The following PDGFD variants were observed in gnomAD, a reference collection of about 807,000 sequenced individuals.
The protein encoded by PDGFD is platelet-derived growth factor D.
A neutral mutation model predicts 44.7 loss-of-function variants in PDGFD; 30 were observed. The observed-to-expected ratio is 0.67, with a 90% CI of 0.50 to 0.91. PDGFD has a LOEUF of 0.91. Ranked by LOEUF, PDGFD falls within the 40% of genes least tolerant of loss-of-function variation. The pLI, the probability that PDGFD is intolerant of heterozygous loss-of-function variation, is 0.00. For missense variants in PDGFD, 445 were observed against 457.8 expected (o/e 0.97, Z 0.25); for synonymous variants, 173 against 168.4 (o/e 1.03, Z -0.21).
intron 6 of PDGFD, among the ~76,000 whole-genome samples, chr11:103,919,130 A>G (rs994758975): frequency 6.6e-6 from 1 of 152,202 alleles, no homozygotes; most frequent in Non-Finnish European, 1.5e-5. Context: ...AACCACACAA[A>G]GCCAGGGAAA....
At chr11:104,161,471 T>A (rs1215111386) in intron 1 of PDGFD, among the ~76,000 whole-genome samples, 2 of 152,196 alleles carry the variant, frequency 1.3e-5, no homozygotes, top group African/African-American at 4.8e-5. Flanking sequence ...CCAAGTGTTG[T>A]CTAGAATTTT....
chr11:104,005,849 A>G (rs1010557272), intron 1 of PDGFD, among the ~76,000 whole-genome samples: 2 of 152,200 alleles, frequency 1.3e-5, no homozygotes, highest in Admixed American at 6.5e-5. Context: ...CAAAAATAGG[A>G]AAACAATCAC....
At chr11:103,989,049 C>T (rs1859412050) in intron 3 of PDGFD, among the ~76,000 whole-genome samples, 1 of 151,914 alleles carries the variant, frequency 6.6e-6, no homozygotes, top group Non-Finnish European at 1.5e-5. Flanking sequence ...GTATATTTAA[C>T]ATATTATTAT....
Position 104,000,185 on chromosome 11 carries a change from C to T in PDGFD, c.195G>A (p.Gln65=). The change falls in exon 2 of 7, where the codon CAG becomes CAA. Residue 65 remains glutamine (Q), a synonymous_variant. Transcript: ENST00000393158. Reference sequence around the variant, plus strand: ...GGTAGCTGTTCGGGAATCTAGGACTCTGCACGTAGCCGTTTCCTTTCACCT... The same window carrying T: ...GGTAGCTGTTCGGGAATCTAGGACTTTGCACGTAGCCGTTTCCTTTCACCT... ...TIQVKGNGYV[Q]SPRFPNSYPR... 6.2e-7 allele frequency: 1 copy of T among 1,614,068 alleles called. No individual in the cohort carries two copies. Among genetic ancestry groups the T allele is most frequent in the Non-Finnish European group, 8.5e-7 (1 of 1,179,998 alleles).
At chr11:104,158,981 C>T (rs1205856648) in intron 1 of PDGFD, among the ~76,000 whole-genome samples, 1 of 151,318 alleles carries the variant, frequency 6.6e-6, no homozygotes, top group Non-Finnish European at 1.5e-5. Context: ...GGTGAAACCC[C>T]GTCTCCACTA....
At chr11:103,995,158 G>C (rs1194010347) in intron 3 of PDGFD, among the ~76,000 whole-genome samples, 1 of 152,082 alleles carries the variant, frequency 6.6e-6, no homozygotes, top group Non-Finnish European at 1.5e-5. Flanking sequence ...TGGGATTACA[G>C]GCATGAGCCA....
At chr11:104,144,573 A>G (rs571160589) in intron 1 of PDGFD, among the ~76,000 whole-genome samples, 34 of 151,900 alleles carry the variant, frequency 2.2e-4, no homozygotes, top group African/African-American at 7.7e-4. Context: ...AACTGAACAC[A>G]ACTTGGCAGA....
At chr11:104,001,460 G>A (rs1440908163) in intron 1 of PDGFD, among the ~76,000 whole-genome samples, 2 of 152,168 alleles carry the variant, frequency 1.3e-5, no homozygotes, top group Non-Finnish European at 2.9e-5. Flanking sequence ...AAACCTGGGG[G>A]TTTATAGGGA....
At chr11:103,945,867 A>T (rs773401764) in intron 4 of PDGFD, 1 of 152,118 alleles carries the variant, frequency 6.6e-6, no homozygotes, top group Non-Finnish European at 1.5e-5. Flanking sequence ...ACATGTCCCT[A>T]TGTATGAGCT....
At chr11:104,055,260 G>A (rs1231643725) in intron 1 of PDGFD, among the ~76,000 whole-genome samples, 1 of 152,194 alleles carries the variant, frequency 6.6e-6, no homozygotes, top group African/African-American at 2.4e-5. Context: ...GGGGTCACAC[G>A]GATGTGAGTT....
chr11:103,928,417 C>G (rs996669657), intron 5 of PDGFD, among the ~76,000 whole-genome samples: 2 of 152,146 alleles, frequency 1.3e-5, no homozygotes, highest in Non-Finnish European at 2.9e-5. Context: ...TGGTAAATGT[C>G]TTAGGCTTAA....
intron 1 of PDGFD, among the ~76,000 whole-genome samples, chr11:104,126,874 C>T (rs958038024): frequency 4.6e-5 from 7 of 151,834 alleles, no homozygotes; most frequent in Non-Finnish European, 7.4e-5. Flanking sequence ...CCTTTACAAG[C>T]GATGATACCC....
intron 1 of PDGFD, among the ~76,000 whole-genome samples, chr11:104,017,598 C>T (rs934247742): frequency 1.3e-5 from 2 of 152,166 alleles, no homozygotes; most frequent in African/African-American, 4.8e-5. Context: ...AATTCCAATG[C>T]CTAAACACGA....
rs1861005496 is a variant in PDGFD at position 104,078,889 on chromosome 11, AAATATATGCAAGATTTAAC to A, written c.125-78653_125-78635del. On this transcript the variant is annotated intron_variant, in intron 1 of 6. Coordinates refer to ENST00000393158, the MANE Select transcript of PDGFD (RefSeq NM_025208.5). ...TTTATATACTTTATATATGTATCCT[AAATATATGCAAGATTTAAC>A]ATTGTGTAGGCTTACCTGTATTAAA... is the stretch of plus-strand genomic sequence containing the variant. 9.4e-5 allele frequency among the ~76,000 whole-genome samples: 5 copies of A among 52,970 alleles called. 2 individuals carry two copies. Among genetic ancestry groups the A allele is most frequent in the Non-Finnish European group, 1.6e-4 (5 of 31,948 alleles). The allele number at this position is 52,970 out of a possible 152,430, so 34.8% of individuals were successfully genotyped here.
intron 1 of PDGFD, chr11:104,039,028 G>A (rs1411871964): frequency 6.0e-6 from 1 of 167,058 alleles, no homozygotes; most frequent in Non-Finnish European, 1.5e-5. Context: ...CAATGTTAGT[G>A]TTTATTACAA....
intron 3 of PDGFD, among the ~76,000 whole-genome samples, chr11:103,969,199 G>C (rs1859065732): frequency 6.6e-6 from 1 of 152,104 alleles, no homozygotes; most frequent in South Asian, 2.1e-4. Flanking sequence ...TGAGCTCCTA[G>C]GGCATGTTGT....
At chr11:104,055,602 C>T (rs1860606830) in intron 1 of PDGFD, among the ~76,000 whole-genome samples, 2 of 152,122 alleles carry the variant, frequency 1.3e-5, no homozygotes, top group African/African-American at 2.4e-5. Flanking sequence ...AATCATAACT[C>T]TATTATTTTA....
At chr11:103,910,228 G>C (rs1272789563) in intron 6 of PDGFD, among the ~76,000 whole-genome samples, 5 of 152,210 alleles carry the variant, frequency 3.3e-5, no homozygotes, top group African/African-American at 1.2e-4. Context: ...AGAGGAAAAT[G>C]AATACAACCA....
At chr11:104,128,752 C>T (rs1400875030) in intron 1 of PDGFD, among the ~76,000 whole-genome samples, 3 of 152,042 alleles carry the variant, frequency 2.0e-5, no homozygotes, top group African/African-American at 4.8e-5. Flanking sequence ...AAGAATCATA[C>T]CTACCTGGAA....
Sources: allele counts gnomAD v4.1 joint callset (sites outside exome capture counted in the v4.1 genomes callset), GRCh38; gene constraint gnomAD v4.1.1; transcripts MANE v1.5; gene names NCBI Gene and HGNC (gene_info 2026-07-23, HGNC 2026-07-21).